The following TNKS variants were observed in gnomAD, a reference collection of about 807,000 sequenced individuals.
TNKS encodes the protein poly [ADP-ribose] polymerase tankyrase-1.
TNKS carries 72 observed loss-of-function variants against 135.8 expected under a neutral mutation model. That is an observed-to-expected ratio of 0.53 (90% CI 0.44 to 0.64). The LOEUF is 0.64. TNKS is among the 30% of genes least tolerant of loss of function. The pLI, the probability that TNKS is intolerant of heterozygous loss-of-function variation, is 0.00. For synonymous variants in TNKS, 849 were observed against 649.3 expected (o/e 1.31, Z -4.68); for missense variants, 1,769 against 1,674.0 (o/e 1.06, Z -0.99).
At chr8:9,607,873 A>G (rs1799291332) in intron 2 of TNKS, among the ~76,000 whole-genome samples, 1 of 151,874 alleles carries the variant, frequency 6.6e-6, no homozygotes, top group Non-Finnish European at 1.5e-5. Context: ...CTTTTTTTTG[A>G]CTGCATATAT....
At chr8:9,660,746 G>A (rs1207901954) in intron 3 of TNKS, among the ~76,000 whole-genome samples, 1 of 152,132 alleles carries the variant, frequency 6.6e-6, no homozygotes, top group Admixed American at 6.5e-5. Context: ...GGGCAATCAG[G>A]CAGGAGAAGG....
At chr8:9,740,934 C>G (rs950616682) in intron 17 of TNKS, 1 of 150,796 alleles carries the variant, frequency 6.6e-6, no homozygotes, top group Non-Finnish European at 1.5e-5. Flanking sequence ...CTCAGCCTCC[C>G]GAGTAGCTGG....
intron 10 of TNKS, 35 bp from the exon 11 acceptor site, chr8:9,710,107 A>G: frequency 6.2e-7 from 1 of 1,612,148 alleles, no homozygotes; most frequent in Non-Finnish European, 8.5e-7. Context: ...TAAAAGAGAG[A>G]CAATTACCTT....
chr8:9,652,592 G>C (rs1007503999), intron 3 of TNKS, among the ~76,000 whole-genome samples: 2 of 152,058 alleles, frequency 1.3e-5, no homozygotes, highest in African/African-American at 2.4e-5. Context: ...TGTTTTCTCA[G>C]CTTATTTAAA....
At chr8:9,748,261 A>G in intron 18 of TNKS, 49 bp downstream of exon 18, 8 of 1,359,256 alleles carry the variant, frequency 5.9e-6, no homozygotes, top group Non-Finnish European at 6.7e-6. Context: ...ACTTTCACAG[A>G]TGACATCAGA....
intron 3 of TNKS, among the ~76,000 whole-genome samples, chr8:9,647,714 T>C (rs1303562790): frequency 1.3e-5 from 2 of 152,222 alleles, no homozygotes; most frequent in South Asian, 4.1e-4. Flanking sequence ...GGCCATATCT[T>C]ATATTCATTA....
At chr8:9,776,361 G>A (rs1310901454) in intron 26 of TNKS, among the ~76,000 whole-genome samples, 2 of 152,164 alleles carry the variant, frequency 1.3e-5, no homozygotes, top group African/African-American at 4.8e-5. Flanking sequence ...TGCTACCTCG[G>A]GCCTTAGTTT....
chr8:9,779,533 G>A lies in TNKS; in HGVS notation c.*2797G>A, dbSNP rs1029017795. The A allele has an allele frequency of 6.6e-6, 1 of 152,104 alleles. No homozygotes were observed. The highest frequency in any genetic ancestry group is 1.5e-5 in the Non-Finnish European group (1 of 68,028). 9.4% of individuals were successfully genotyped at this position (152,104 alleles called of 1,614,324 possible). ...CCTGCTGTTGGCCTGCTGGATACTTGACTCAGGCATAAATTAAGTGCCCTG... is the reference window on the plus strand; with the variant it reads ...CCTGCTGTTGGCCTGCTGGATACTTAACTCAGGCATAAATTAAGTGCCCTG... On this transcript the variant is annotated 3_prime_UTR_variant, in exon 27 of 27. Transcript: ENST00000310430.
At chr8:9,562,593 G>T (rs1563379904) in intron 1 of TNKS, among the ~76,000 whole-genome samples, 2 of 152,118 alleles carry the variant, frequency 1.3e-5, no homozygotes, top group Non-Finnish European at 2.9e-5. Context: ...ATATGTGAGT[G>T]TTGCTTTTTA....
At chr8:9,567,341 G>T (rs1797581152) in intron 1 of TNKS, among the ~76,000 whole-genome samples, 2 of 152,336 alleles carry the variant, frequency 1.3e-5, no homozygotes, top group African/African-American at 4.8e-5. Flanking sequence ...CATAAAAAGT[G>T]TGATTGGAAG....
At chr8:9,764,112 GGAAGA>G (rs1807294294) in intron 22 of TNKS, among the ~76,000 whole-genome samples, 2 of 152,060 alleles carry the variant, frequency 1.3e-5, no homozygotes, top group Admixed American at 1.3e-4. Context: ...GGAGCAGTAA[GGAAGA>G]GAATTCATTT....
intron 20 of TNKS, among the ~76,000 whole-genome samples, chr8:9,756,521 A>T (rs1435177094): frequency 6.6e-6 from 1 of 152,002 alleles, no homozygotes; most frequent in East Asian, 1.9e-4. Flanking sequence ...TAACTAAGTC[A>T]AGGTTTTAAA....
chr8:9,694,177 C>T (rs1276565999), intron 5 of TNKS, among the ~76,000 whole-genome samples: 1 of 152,160 alleles, frequency 6.6e-6, no homozygotes, highest in South Asian at 2.1e-4. Context: ...ATTTGTCACA[C>T]AAATTTAAAT....
At chr8:9,580,065 G>C (rs577008109) in intron 1 of TNKS, 94 bp from the exon 2 acceptor site, 9 of 1,033,940 alleles carry the variant, frequency 8.7e-6, no homozygotes, top group Non-Finnish European at 1.3e-5. Context: ...CAGTACTTCA[G>C]TTGTTCATAC....
At chr8:9,770,795 G>T (rs985841164) in intron 26 of TNKS, among the ~76,000 whole-genome samples, 3 of 152,156 alleles carry the variant, frequency 2.0e-5, no homozygotes, top group Non-Finnish European at 4.4e-5. Flanking sequence ...GAATGCTGTT[G>T]GGGGAAGACT....
At chr8:9,762,204 T>C (rs1422680400) in intron 21 of TNKS, among the ~76,000 whole-genome samples, 1 of 149,448 alleles carries the variant, frequency 6.7e-6, no homozygotes, top group African/African-American at 2.5e-5. Flanking sequence ...GTTACAAGCC[T>C]CTTTCCCCTC....
At chr8:9,755,795 G>T (rs1040604269) in intron 20 of TNKS, among the ~76,000 whole-genome samples, 1 of 152,210 alleles carries the variant, frequency 6.6e-6, no homozygotes, top group South Asian at 2.1e-4. Flanking sequence ...ATGGATGCCA[G>T]TGGGGTGTGG....
chr8:9,566,177 C>T (rs1345589131), intron 1 of TNKS: 2 of 152,148 alleles, frequency 1.3e-5, no homozygotes, highest in East Asian at 1.9e-4. Context: ...AAAGAAATGA[C>T]ATAGAATTAC....
Position 9,759,306 on chromosome 8 carries a change from C to A in TNKS, c.3154-2210C>A, listed in dbSNP as rs149467869. The stretch of plus-strand genomic sequence containing the variant: ...GATGGAGGCCACAGTCTCTTTATTA[C>A]CTAATGTAAAAAGTAATTTCCCATC... On this transcript the variant is annotated intron_variant, in intron 20 of 26. Transcript: ENST00000310430. Among the ~76,000 whole-genome samples the A allele has an allele frequency of 1.2e-4, 19 of 152,286 alleles. No individual in the cohort carries two copies. The East Asian group carries it at 2.7e-3, about 22-fold the overall frequency.
Sources: gnomAD v4.1 joint callset for allele counts (sites outside exome capture counted in the v4.1 genomes callset) on GRCh38, gnomAD v4.1.1 for gene constraint, MANE v1.5 for transcripts, NCBI Gene and HGNC (gene_info 2026-07-23, HGNC 2026-07-21) for gene names.